Variants in WNT3A observed in about 807,000 individuals in gnomAD.
The protein encoded by WNT3A is Wnt family member 3A, also known as protein Wnt-3a.
Under a neutral mutation model 37.0 loss-of-function variants are expected in WNT3A, and 17 were observed. The observed-to-expected ratio is 0.46, with a 90% CI of 0.31 to 0.69. The LOEUF (loss-of-function observed/expected upper bound fraction) is 0.69, where lower values mean the gene tolerates loss of function less well. Ranked by LOEUF, WNT3A falls within the 30% of genes least tolerant of loss-of-function variation. The probability of loss-of-function intolerance (pLI) is 0.05; values close to 1 mark genes in which losing one functional copy is unlikely to be tolerated. For synonymous variants in WNT3A, 187 were observed against 211.0 expected (o/e 0.89, Z 0.99); for missense variants, 411 against 510.2 (o/e 0.81, Z 1.87).
intron 2 of WNT3A, among the ~76,000 whole-genome samples, chr1:228,049,437 C>G (rs1382542432): frequency 6.6e-6 from 1 of 152,222 alleles, no homozygotes; most frequent in Non-Finnish European, 1.5e-5. Context: ...TTAACCATCC[C>G]TGTTAATGGA....
rs780970699 is a variant in WNT3A, at chr1:228,059,255, C to G, written c.849C>G (p.Pro283=). ...AGGCCTCGCCCAACTTCTGCGAGCCCAACCCTGAGACGGGCTCCTTCGGCA... is the reference window on the plus strand; with the variant it reads ...AGGCCTCGCCCAACTTCTGCGAGCCGAACCCTGAGACGGGCTCCTTCGGCA... ...YYEASPNFCE[P]NPETGSFGTR... is the part of the protein sequence containing the mutation. Residue 283 remains proline, a synonymous_variant, in exon 4 of 4, where the codon CCC becomes CCG. Coordinates refer to ENST00000284523, the MANE Select transcript of WNT3A (RefSeq NM_033131.4). 1 of 1,607,610 alleles carries G rather than the reference C, an allele frequency of 6.2e-7. No individual in the cohort carries two copies. The highest frequency in any genetic ancestry group is 1.7e-5 in the Admixed American group (1 of 59,808).
At chr1:228,016,497 G>C (rs2030536004) in intron 1 of WNT3A, among the ~76,000 whole-genome samples, 1 of 152,132 alleles carries the variant, frequency 6.6e-6, no homozygotes, top group Admixed American at 6.5e-5. Flanking sequence ...GGGTGGAAAG[G>C]GGGCTGCATT....
intron 3 of WNT3A, among the ~76,000 whole-genome samples, chr1:228,055,733 G>A (rs1348664017): frequency 6.6e-6 from 1 of 152,178 alleles, no homozygotes; most frequent in Non-Finnish European, 1.5e-5. Flanking sequence ...GAGAAGTTGA[G>A]ATAAATATGG....
chr1:228,059,828 C>A lies in WNT3A; in HGVS notation c.*363C>A. 9.2e-7 allele frequency: 1 copy of A among 1,083,984 alleles called. No homozygotes were observed. Among genetic ancestry groups the A allele is most frequent in the Non-Finnish European group, 1.1e-6 (1 of 892,798 alleles). The allele number at this position is 1,083,984 out of a possible 1,614,324, so 67.1% of individuals were successfully genotyped here. A position where few individuals can be genotyped will look rare whatever the true frequency, so the allele number is the denominator to read the frequency against. ...CTTCTCCTGCGGGGGCGAGGCCCCT[C>A]CCAGTAAGGGCGTGGCTCTGGGTGG... On this transcript the variant is annotated 3_prime_UTR_variant, in exon 4 of 4. Coordinates refer to ENST00000284523, the MANE Select transcript of WNT3A (RefSeq NM_033131.4).
intron 1 of WNT3A, among the ~76,000 whole-genome samples, chr1:228,018,525 G>A (rs181942828): frequency 3.3e-5 from 5 of 151,822 alleles, no homozygotes; most frequent in African/African-American, 7.2e-5. Context: ...CCCAAGCAGC[G>A]GGGACTACAG....
In WNT3A at chr1:228,037,621, C is replaced by A. The variant is rs2031175495; in HGVS notation, c.314-13035C>A. Among the ~76,000 whole-genome samples the A allele has an allele frequency of 6.6e-6, 1 of 152,152 alleles. No individual in the cohort carries two copies. The highest frequency in any genetic ancestry group is 2.4e-5 in the African/African-American group (1 of 41,446). On this transcript the variant is annotated intron_variant, in intron 2 of 3. Transcript: ENST00000284523. The surrounding 1 kb of genome is among the most constrained non-coding windows in gnomAD (Gnocchi z 4.1). ...AACCAGCGTCCCCAAAGCCAGGTTG[C>A]GACCCCTGACCCCCCCCATCGGAAA...
rs1000899689 is a variant in WNT3A at position 228,008,414 on chromosome 1, C to A, written c.71+1215C>A. 6.6e-6 allele frequency among the ~76,000 whole-genome samples: 1 copy of A among 152,106 alleles called. No homozygotes were observed. Among genetic ancestry groups the A allele is most frequent in the Non-Finnish European group, 1.5e-5 (1 of 68,020 alleles). Reference sequence around the variant, plus strand: ...GATGGTTCAGGAGCGGGGGCTCCCGCGGTAGGGGCGCCGGGCCAGGAGCAG... The same window carrying A: ...GATGGTTCAGGAGCGGGGGCTCCCGAGGTAGGGGCGCCGGGCCAGGAGCAG... On this transcript the variant is annotated intron_variant, in intron 1 of 3. Coordinates refer to ENST00000284523, the MANE Select transcript of WNT3A (RefSeq NM_033131.4). This position sits in a 1 kb window ranked among gnomAD's most constrained non-coding sequence, Gnocchi z 4.9.
Position 228,050,778 on chromosome 1 carries a change from C to G in WNT3A, c.436C>G (p.Pro146Ala), listed in dbSNP as rs956380865. The change falls in exon 3 of 4, where the codon CCA (proline) becomes GCA (alanine). Residue 146 changes from proline (P) to alanine (A), a missense_variant. By Grantham distance (27) the Pro-to-Ala change is conservative. Coordinates refer to ENST00000284523, the MANE Select transcript of WNT3A (RefSeq NM_033131.4). This position sits in a 1 kb window ranked among gnomAD's most constrained non-coding sequence, Gnocchi z 5.0. ...CTGCAGCAGCCGCCACCAGGGCTCA[C>G]CAGGCAAGGGCTGGAAGTGGGGTGG... The part of the protein sequence containing the change: ...CGCSSRHQGS[P>A]GKGWKWGGCS... 1.9e-6 allele frequency: 3 copies of G among 1,613,968 alleles called. No individual in the cohort carries two copies. The African/African-American group carries it at 4.0e-5, about 22-fold the overall frequency.
In WNT3A at chr1:228,007,571, C is replaced by T. The variant is rs917722384; in HGVS notation, c.71+372C>T. Among the ~76,000 whole-genome samples the T allele has an allele frequency of 3.9e-5, 6 of 152,130 alleles. No individual in the cohort carries two copies. The highest frequency in any genetic ancestry group is 7.4e-5 in the Non-Finnish European group (5 of 68,004). ...CCAGGGGACAGGCGAGGGAAGAGGG[C>T]CAGCGAGAGAGAATTCGCCGGAGAC... On this transcript the variant is annotated intron_variant, in intron 1 of 3. Coordinates refer to ENST00000284523, the MANE Select transcript of WNT3A (RefSeq NM_033131.4). This position sits in a 1 kb window ranked among gnomAD's most constrained non-coding sequence, Gnocchi z 6.0.
rs373278590 is a variant in WNT3A at position 228,050,669 on chromosome 1, G to A, written c.327G>A (p.Ser109=). ...CTCTCTCTACAGCTACCAGGGAGTC[G>A]GCCTTTGTCCACGCCATTGCCTCAG... ...GPVLDKATRE[S]AFVHAIASAG... The change falls in exon 3 of 4, where the codon TCG becomes TCA. Residue 109 remains serine, a synonymous_variant. Coordinates refer to ENST00000284523, the MANE Select transcript of WNT3A (RefSeq NM_033131.4). This position sits in a 1 kb window ranked among gnomAD's most constrained non-coding sequence, Gnocchi z 5.0. The A allele has an allele frequency of 6.7e-5, 108 of 1,603,006 alleles. 1 individual carries two copies. The Admixed American group carries it at 9.8e-4, about 15-fold the overall frequency.
At chr1:228,017,871 T>A (rs1294404666) in intron 1 of WNT3A, among the ~76,000 whole-genome samples, 3 of 152,140 alleles carry the variant, frequency 2.0e-5, no homozygotes, top group African/African-American at 7.2e-5. Flanking sequence ...GTGTTGGAAC[T>A]CAGAGGTGGT....
intron 2 of WNT3A, among the ~76,000 whole-genome samples, chr1:228,046,823 T>C (rs2102777557): frequency 6.7e-6 from 1 of 149,438 alleles, no homozygotes; most frequent in East Asian, 2.0e-4. Context: ...TGCATGCCTA[T>C]ATGTGTGTGT....
Position 228,050,591 on chromosome 1 carries a change from T to C in WNT3A, c.314-65T>C. 2 of 1,514,758 alleles carry C rather than the reference T, an allele frequency of 1.3e-6. No individual in the cohort carries two copies. The highest frequency in any genetic ancestry group is 8.8e-7 in the Non-Finnish European group (1 of 1,132,486). 93.8% of individuals were successfully genotyped at this position (1,514,758 alleles called of 1,614,324 possible). A position where few individuals can be genotyped will look rare whatever the true frequency, so the allele number is the denominator to read the frequency against. On this transcript the variant is annotated intron_variant, in intron 2 of 3. Coordinates refer to ENST00000284523, the MANE Select transcript of WNT3A (RefSeq NM_033131.4). This position sits in a 1 kb window ranked among gnomAD's most constrained non-coding sequence, Gnocchi z 5.0. ...AACAATGCAAATGGGCTAAGACCCC[T>C]GACCTGCCCAAGGCGGTCCTTTGAG...
chr1:228,048,840 G>A (rs1340680893), intron 2 of WNT3A, among the ~76,000 whole-genome samples: 4 of 152,048 alleles, frequency 2.6e-5, no homozygotes, highest in Non-Finnish European at 4.4e-5. Flanking sequence ...ACCTGTCTGG[G>A]GAAGCCTGGC....
In WNT3A at chr1:228,060,880, C is replaced by T. The variant is rs567650908; in HGVS notation, c.*1415C>T. The T allele has an allele frequency of 2.0e-3, 304 of 152,874 alleles. 1 individual carries two copies. The highest frequency in any genetic ancestry group is 2.8e-3 in the Non-Finnish European group (189 of 68,338). 9.5% of individuals were successfully genotyped at this position (152,874 alleles called of 1,614,324 possible). ...GTTCGGGAGGTTTGGGGGGCATCAACCCCCCGACTGTGCTGCTCGCGAAGG... is the reference window on the plus strand; with the variant it reads ...GTTCGGGAGGTTTGGGGGGCATCAATCCCCCGACTGTGCTGCTCGCGAAGG... On this transcript the variant is annotated 3_prime_UTR_variant, in exon 4 of 4. Coordinates refer to ENST00000284523, the MANE Select transcript of WNT3A (RefSeq NM_033131.4).
intron 2 of WNT3A, among the ~76,000 whole-genome samples, chr1:228,048,720 GA>G (rs2031479905): frequency 6.6e-6 from 1 of 152,066 alleles, no homozygotes; most frequent in South Asian, 2.1e-4. Flanking sequence ...CCCCAGCCCT[GA>G]GTGTCTTTTA....
At position 228,052,234 on chromosome 1, in the gene WNT3A, C is replaced by T. The variant is rs574143482; in HGVS notation, c.579+1313C>T. On this transcript the variant is annotated intron_variant, in intron 3 of 3. Transcript: ENST00000284523. ...TCTCAGCTCACTGCAGCCTCCACGT[C>T]CCGGGTTCAAGCGATTCTCCTGCCT... 3.3e-4 allele frequency among the ~76,000 whole-genome samples: 51 copies of T among 152,268 alleles called. No homozygotes were observed. In the South Asian group the frequency reaches 0.01, roughly 30 times the overall value.
At chr1:228,012,277 C>T (rs1163554674) in intron 1 of WNT3A, among the ~76,000 whole-genome samples, 3 of 152,176 alleles carry the variant, frequency 2.0e-5, no homozygotes, top group Admixed American at 1.3e-4. Context: ...CCAGGGACCC[C>T]GTTGGGGCTT....
rs180874706 is a variant in WNT3A, at chr1:228,039,580, A to G, written c.314-11076A>G. Among the ~76,000 whole-genome samples, 1 of 152,308 alleles carries G rather than the reference A, an allele frequency of 6.6e-6. No individual in the cohort carries two copies. The highest frequency in any genetic ancestry group is 1.9e-4 in the East Asian group (1 of 5,182). ...ATAGCCTTCTTTCTGGTCACAGCCC[A>G]GAGGAGGGGTCAGCACGGAATGGAA... is the stretch of plus-strand genomic sequence containing the variant. On this transcript the variant is annotated intron_variant, in intron 2 of 3. Transcript: ENST00000284523. The surrounding 1 kb of genome is among the most constrained non-coding windows in gnomAD (Gnocchi z 4.1).
Sources: gnomAD v4.1 joint callset for allele counts (sites outside exome capture counted in the v4.1 genomes callset) on GRCh38, gnomAD v4.1.1 for gene constraint, Gnocchi (gnomAD v3.1) non-coding constraint, MANE v1.5 for transcripts, NCBI Gene and HGNC (gene_info 2026-07-23, HGNC 2026-07-21) for gene names.